TENM2: variants seen among roughly 807,000 people sequenced by gnomAD.
TENM2 encodes the protein teneurin transmembrane protein 2, also known as teneurin-2.
TENM2 carries 52 observed loss-of-function variants against 245.2 expected under a neutral mutation model. The ratio of observed to expected loss-of-function variants is 0.21; its 90% CI spans 0.17 to 0.27. The LOEUF (loss-of-function observed/expected upper bound fraction) is 0.27. Ranked by LOEUF, TENM2 falls within the 10% of genes least tolerant of loss-of-function variation. TENM2 has a pLI of 1.00. For missense variants in TENM2, 3,046 were observed against 3,666.8 expected (o/e 0.83, Z 4.37); for synonymous variants, 1,363 against 1,438.9 (o/e 0.95, Z 1.19).
intron 3 of TENM2, among the ~76,000 whole-genome samples, chr5:167,885,674 G>A (rs1378716587): frequency 6.6e-6 from 1 of 152,084 alleles, no homozygotes; most frequent in Non-Finnish European, 1.5e-5. Flanking sequence ...GCTAAAATGG[G>A]TGATTACTGG....
At chr5:167,199,967 AG>A in the TENM2 span, among the ~76,000 whole-genome samples, 1 of 152,082 alleles carries the variant, frequency 6.6e-6, no homozygotes, top group Non-Finnish European at 1.5e-5. Context: ...CTGAGTAGAA[AG>A]GGGGTACAAA....
the TENM2 span, among the ~76,000 whole-genome samples, chr5:167,049,539 A>C: frequency 6.6e-6 from 1 of 152,242 alleles, no homozygotes; most frequent in Admixed American, 6.5e-5. Context: ...TATTTATTTT[A>C]ACAAGCTGTT....
intron 2 of TENM2, among the ~76,000 whole-genome samples, chr5:167,379,838 C>A (rs2127327534): frequency 6.6e-6 from 1 of 150,846 alleles, no homozygotes; most frequent in East Asian, 2.0e-4. Flanking sequence ...GGGATGATTT[C>A]TTTTCCAGCC....
At chr5:167,647,074 A>G (rs1272850757) in intron 2 of TENM2, among the ~76,000 whole-genome samples, 1 of 152,192 alleles carries the variant, frequency 6.6e-6, no homozygotes, top group African/African-American at 2.4e-5. Flanking sequence ...AATACCAAAG[A>G]TGGGACTTTA....
chr5:167,419,129 G>GTAGATAGATAGATAGA (rs55794859), intron 2 of TENM2, among the ~76,000 whole-genome samples: 29,134 of 150,214 alleles, frequency 0.19, 2,912 homozygotes, highest in East Asian at 0.22. Context: ...AGATGTGTAT[G>GTAGATAGATAGATAGA]TAGATAGATA....
the TENM2 span, among the ~76,000 whole-genome samples, chr5:167,219,256 C>T: frequency 9.2e-5 from 14 of 152,184 alleles, no homozygotes; most frequent in Admixed American, 5.9e-4. Flanking sequence ...GCTATGATGG[C>T]GCCATTGTGC....
At chr5:167,948,353 G>C (rs1561969084) in intron 3 of TENM2, among the ~76,000 whole-genome samples, 1 of 152,194 alleles carries the variant, frequency 6.6e-6, no homozygotes, top group Non-Finnish European at 1.5e-5. Context: ...GGCAACAACT[G>C]TCCCACAGAA....
intron 2 of TENM2, among the ~76,000 whole-genome samples, chr5:167,589,473 C>T (rs1211098803): frequency 6.6e-6 from 1 of 151,780 alleles, no homozygotes; most frequent in African/African-American, 2.4e-5. Context: ...CTGAGTGCCA[C>T]ATTTTGTACC....
intron 2 of TENM2, among the ~76,000 whole-genome samples, chr5:167,507,420 A>G (rs922193054): frequency 1.8e-4 from 28 of 152,212 alleles, no homozygotes; most frequent in African/African-American, 6.8e-4. Flanking sequence ...CACGCAATCT[A>G]GCAAAGATAC....
intron 4 of TENM2, among the ~76,000 whole-genome samples, chr5:167,953,947 AATTTT>A (rs1780326250): frequency 6.6e-6 from 1 of 152,122 alleles, no homozygotes. Context: ...CCAAACTTTT[AATTTT>A]ATTTTCTGAC....
the TENM2 span, among the ~76,000 whole-genome samples, chr5:167,005,517 T>A: frequency 6.6e-6 from 1 of 152,084 alleles, no homozygotes; most frequent in Admixed American, 6.6e-5. Context: ...CCATGAATAA[T>A]GCGTACTATA....
At chr5:167,253,638 G>A in the TENM2 span, among the ~76,000 whole-genome samples, 1 of 152,002 alleles carries the variant, frequency 6.6e-6, no homozygotes, top group Non-Finnish European at 1.5e-5. Context: ...CATAAATGAT[G>A]TTTTAGCATC....
intron 2 of TENM2, among the ~76,000 whole-genome samples, chr5:167,677,065 C>A (rs1252634877): frequency 6.6e-6 from 1 of 152,126 alleles, no homozygotes; most frequent in East Asian, 1.9e-4. Context: ...ATTCCATCTG[C>A]CTTTCCACAT....
intron 2 of TENM2, among the ~76,000 whole-genome samples, chr5:167,525,764 A>G (rs1277887513): frequency 6.6e-6 from 1 of 152,174 alleles, no homozygotes; most frequent in Non-Finnish European, 1.5e-5. Flanking sequence ...CTTAGATTTG[A>G]AATTTCTAGC....
the TENM2 span, among the ~76,000 whole-genome samples, chr5:167,005,167 G>C: frequency 6.6e-6 from 1 of 152,092 alleles, no homozygotes; most frequent in African/African-American, 2.4e-5. Flanking sequence ...GGATTCGAGC[G>C]AGGGCTTTCT....
At chr5:167,693,295 T>C (rs1235796208) in intron 2 of TENM2, among the ~76,000 whole-genome samples, 1 of 152,160 alleles carries the variant, frequency 6.6e-6, no homozygotes, top group Non-Finnish European at 1.5e-5. Context: ...CAAAAGTGTT[T>C]GGTTGGTCAT....
At chr5:168,008,031 T>C (rs893501442) in intron 5 of TENM2, among the ~76,000 whole-genome samples, 4 of 152,222 alleles carry the variant, frequency 2.6e-5, no homozygotes, top group Admixed American at 2.0e-4. Context: ...TTGTTCTTTG[T>C]GTATTCATTC....
rs146516938 is a variant in TENM2, at chr5:167,316,541, T to C, written c.226+31478T>C. On this transcript the variant is annotated intron_variant, in intron 1 of 28. Coordinates refer to ENST00000518659, the Ensembl canonical transcript of TENM2. Reference sequence around the variant, plus strand: ...GAAGCTCACTGTATATTATTTTCAGTTAGGTATGAGTATCCATACATGTTT... The same window carrying C: ...GAAGCTCACTGTATATTATTTTCAGCTAGGTATGAGTATCCATACATGTTT... 1.8e-3 allele frequency among the ~76,000 whole-genome samples: 273 copies of C among 152,310 alleles called. 4 individuals are homozygous for C. Among genetic ancestry groups the C allele is most frequent in the Non-Finnish European group, 3.1e-4 (21 of 68,010 alleles).
chr5:167,992,544 G>A (rs964143652), intron 4 of TENM2, among the ~76,000 whole-genome samples: 4 of 152,074 alleles, frequency 2.6e-5, no homozygotes, highest in Non-Finnish European at 2.9e-5. Flanking sequence ...CCAGTGACAC[G>A]AGTATACCTA....
Sources: allele counts gnomAD v4.1 joint callset (sites outside exome capture counted in the v4.1 genomes callset), GRCh38; gene constraint gnomAD v4.1.1; transcripts MANE v1.5; gene names NCBI Gene and HGNC (gene_info 2026-07-23, HGNC 2026-07-21).